Variants in PTPRT observed in about 807,000 individuals in gnomAD.
PTPRT encodes protein tyrosine phosphatase receptor type T.
A neutral mutation model predicts 176.8 loss-of-function variants in PTPRT; 56 were observed. The observed-to-expected ratio is 0.32, with a 90% CI of 0.26 to 0.40. The LOEUF (loss-of-function observed/expected upper bound fraction) is 0.40. Ranked by LOEUF, PTPRT falls within the 10% of genes least tolerant of loss-of-function variation. The pLI, the probability that PTPRT is intolerant of heterozygous loss-of-function variation, is 1.00. For missense variants in PTPRT, 1,540 were observed against 1,908.2 expected, an observed-to-expected ratio of 0.81 and a Z score of 3.60; for synonymous variants, 783 against 739.0, an observed-to-expected ratio of 1.06 and a Z score of -0.96.
intron 12 of PTPRT, among the ~76,000 whole-genome samples, chr20:42,308,370 C>A (rs75335975): frequency 0.012 from 1,877 of 152,148 alleles, 16 homozygotes; most frequent in Admixed American, 0.022. Context: ...AGGAATACAG[C>A]CTGGGGTGAG....
intron 9 of PTPRT, among the ~76,000 whole-genome samples, chr20:42,426,364 G>A (rs1399329501): frequency 1.3e-5 from 2 of 152,130 alleles, no homozygotes; most frequent in Non-Finnish European, 2.9e-5. Flanking sequence ...GATGTTCAGA[G>A]AGGAAACCGG....
intron 1 of PTPRT, among the ~76,000 whole-genome samples, chr20:42,902,370 T>C (rs2079417266): frequency 6.6e-6 from 1 of 152,126 alleles, no homozygotes; most frequent in Non-Finnish European, 1.5e-5. Flanking sequence ...TGTGGAACTC[T>C]GGAGTGCCCT....
intron 16 of PTPRT, among the ~76,000 whole-genome samples, chr20:42,170,827 T>A (rs1990047616): frequency 1.3e-5 from 2 of 152,204 alleles, no homozygotes; most frequent in African/African-American, 4.8e-5. Flanking sequence ...GGACACAATA[T>A]TAAAACAACT....
intron 1 of PTPRT, among the ~76,000 whole-genome samples, chr20:43,015,060 C>T (rs1985305689): frequency 6.6e-6 from 1 of 152,174 alleles, no homozygotes; most frequent in African/African-American, 2.4e-5. Flanking sequence ...CTTTTATGCC[C>T]TGTATAAACT....
chr20:42,531,341 A>G (rs910797286), intron 7 of PTPRT, among the ~76,000 whole-genome samples: 16 of 152,238 alleles, frequency 1.1e-4, no homozygotes, highest in African/African-American at 3.9e-4. Flanking sequence ...CTTAGTTAAA[A>G]GGGGTTATGA....
intron 1 of PTPRT, among the ~76,000 whole-genome samples, chr20:42,974,666 T>G (rs1982839794): frequency 6.6e-6 from 1 of 152,148 alleles, no homozygotes; most frequent in African/African-American, 2.4e-5. Context: ...TCCAGAAAAT[T>G]AGTACAAGTT....
chr20:43,174,158 C>T (rs1403646146), intron 1 of PTPRT, among the ~76,000 whole-genome samples: 2 of 152,152 alleles, frequency 1.3e-5, no homozygotes, highest in Non-Finnish European at 1.5e-5. Flanking sequence ...GCACATGGCA[C>T]AAAGTAAGCC....
At chr20:42,231,849 T>C (rs182418426) in intron 15 of PTPRT, among the ~76,000 whole-genome samples, 11 of 152,322 alleles carry the variant, frequency 7.2e-5, no homozygotes, top group African/African-American at 2.4e-4. Context: ...TGGCTCCTTA[T>C]GGAAAATATT....
intron 1 of PTPRT, among the ~76,000 whole-genome samples, chr20:43,099,696 C>T (rs1192534840): frequency 6.6e-6 from 1 of 152,330 alleles, no homozygotes. Flanking sequence ...CATCTCCATT[C>T]TTGTGCCTCC....
intron 1 of PTPRT, among the ~76,000 whole-genome samples, chr20:42,954,298 G>A (rs1981474892): frequency 6.6e-6 from 1 of 152,172 alleles, no homozygotes; most frequent in South Asian, 2.1e-4. Flanking sequence ...TCTCTAGAGG[G>A]AACTTTGGGG....
At chr20:42,728,638 C>T (rs561345427) in intron 6 of PTPRT, among the ~76,000 whole-genome samples, 83 of 152,252 alleles carry the variant, frequency 5.5e-4, no homozygotes, top group African/African-American at 1.4e-3. Context: ...TGTTCCTACA[C>T]GACAGCTGAT....
intron 1 of PTPRT, among the ~76,000 whole-genome samples, chr20:43,146,176 C>A (rs565066864): frequency 6.6e-6 from 1 of 152,148 alleles, no homozygotes; most frequent in Non-Finnish European, 1.5e-5. Context: ...CTTGAGATTA[C>A]AACATAATCC....
Position 42,382,760 on chromosome 20 carries a change from C to T in PTPRT, c.1561-30475G>A, listed in dbSNP as rs115643046. ...TCATGGCATGGAGAACCCTATAGGACGGTAACCACTTTTCCATTTGTCTTT... is the reference window on the plus strand; with the variant it reads ...TCATGGCATGGAGAACCCTATAGGATGGTAACCACTTTTCCATTTGTCTTT... On this transcript the variant is annotated intron_variant, in intron 9 of 30. Coordinates refer to ENST00000373187, the MANE Select transcript of PTPRT (RefSeq NM_007050.6). 8.5e-3 allele frequency among the ~76,000 whole-genome samples: 1,290 copies of T among 152,188 alleles called. 22 individuals carry two copies. The highest frequency in any genetic ancestry group is 0.029 in the African/African-American group (1,197 of 41,512).
In PTPRT at chr20:42,073,186, T is replaced by C. The variant is rs1234860620; in HGVS notation, c.*7693A>G. 2 of 192,052 alleles carry C rather than the reference T, an allele frequency of 1.0e-5. No homozygotes were observed. The highest frequency in any genetic ancestry group is 2.2e-5 in the Non-Finnish European group (2 of 91,596). The allele number at this position is 192,052 out of a possible 1,614,324, so 11.9% of individuals were successfully genotyped here. A position where few individuals can be genotyped will look rare whatever the true frequency, so the allele number is the denominator to read the frequency against. On this transcript the variant is annotated 3_prime_UTR_variant, in exon 31 of 31. Transcript: ENST00000373187. The stretch of plus-strand genomic sequence containing the variant: ...TGTGAAGATGTCAGCCTCCCTGGAG[T>C]TGAGCGGGAACCTTGGGATAGCTTG...
At chr20:42,408,605 GT>G (rs200172599) in intron 9 of PTPRT, among the ~76,000 whole-genome samples, 15 of 122,920 alleles carry the variant, frequency 1.2e-4, no homozygotes, top group African/African-American at 3.3e-4. Flanking sequence ...TCTATCCTGT[GT>G]TTTTTTTTTT....
At chr20:42,129,187 G>A (rs1159094321) in intron 18 of PTPRT, among the ~76,000 whole-genome samples, 3 of 152,312 alleles carry the variant, frequency 2.0e-5, no homozygotes, top group African/African-American at 7.2e-5. Flanking sequence ...GGAGAGTGTT[G>A]CATCTGGATT....
intron 2 of PTPRT, among the ~76,000 whole-genome samples, chr20:42,818,474 G>A (rs923253949): frequency 2.0e-5 from 3 of 152,106 alleles, no homozygotes; most frequent in Non-Finnish European, 2.9e-5. Flanking sequence ...AGGCCAGAGT[G>A]CCTTTCCTCC....
chr20:43,091,420 GTCTCTCTCTCTCTCTCTCTGTATTTCTC>G (rs1374754659), intron 1 of PTPRT, among the ~76,000 whole-genome samples: 1 of 147,168 alleles, frequency 6.8e-6, no homozygotes. Context: ...GCTTTCTAGA[GTCTCTCTCTCTCTCTCTCTGTATTTCTC>G]TCTCTCTCTC....
rs368395540 is a variant in PTPRT at position 42,722,970 on chromosome 20, G to C, written c.859+33492C>G. The stretch of plus-strand genomic sequence containing the variant: ...ATGGAAAGCATGCCTGCCAGACTCA[G>C]ATGACTTGAGTACAAATCCTGCTTC... On this transcript the variant is annotated intron_variant, in intron 6 of 30. Coordinates refer to ENST00000373187, the MANE Select transcript of PTPRT (RefSeq NM_007050.6). Among the ~76,000 whole-genome samples the C allele has an allele frequency of 1.6e-4, 25 of 152,294 alleles. 1 individual carries two copies. The South Asian group carries it at 5.2e-3, about 32-fold the overall frequency.
Sources: allele counts gnomAD v4.1 joint callset (sites outside exome capture counted in the v4.1 genomes callset), GRCh38; gene constraint gnomAD v4.1.1; transcripts MANE v1.5; gene names NCBI Gene and HGNC (gene_info 2026-07-23, HGNC 2026-07-21).